Variants in GRAMD4 observed in about 807,000 individuals in gnomAD.
GRAMD4 encodes the protein GRAM domain-containing protein 4.
In GRAMD4, 25 loss-of-function variants were observed where a neutral mutation model predicts 83.9. That is an observed-to-expected ratio of 0.30 (90% CI 0.22 to 0.42). The LOEUF is 0.42. Ranked by LOEUF, GRAMD4 falls within the 10% of genes least tolerant of loss-of-function variation. The probability of loss-of-function intolerance (pLI) is 1.00; values close to 1 mark genes in which losing one functional copy is unlikely to be tolerated. For synonymous variants in GRAMD4, 336 were observed against 320.9 expected, an observed-to-expected ratio of 1.05 and a Z score of -0.50; for missense variants, 593 against 788.7, an observed-to-expected ratio of 0.75 and a Z score of 2.97.
intron 1 of GRAMD4, among the ~76,000 whole-genome samples, chr22:46,625,859 G>A (rs994689134): frequency 5.9e-5 from 9 of 152,270 alleles, no homozygotes; most frequent in African/African-American, 2.2e-4. Context: ...CGGCACATCC[G>A]CCCTTTGGCA....
intron 1 of GRAMD4, among the ~76,000 whole-genome samples, chr22:46,614,099 G>T (rs1284469445): frequency 6.6e-6 from 1 of 152,250 alleles, no homozygotes; most frequent in Non-Finnish European, 1.5e-5. Context: ...TTAACTTGCA[G>T]TTAGATCAAT....
chr22:46,627,958 C>T (rs2081695532), intron 2 of GRAMD4, among the ~76,000 whole-genome samples: 2 of 152,174 alleles, frequency 1.3e-5, no homozygotes, highest in Admixed American at 6.5e-5. Context: ...TGGGGGTGGA[C>T]CGGGACCCCG....
chr22:46,638,016 A>AGG, intron 3 of GRAMD4, 56 bp downstream of exon 3: 5 of 1,580,126 alleles, frequency 3.2e-6, no homozygotes, highest in Non-Finnish European at 4.3e-6. Context: ...GGGGTGGCTG[A>AGG]GATGGGGGAT....
At chr22:46,617,507 A>G (rs181984098), upstream of GRAMD4, among the ~76,000 whole-genome samples, 85 of 149,862 alleles carry the variant, frequency 5.7e-4, no homozygotes, top group African/African-American at 2.1e-3. Flanking sequence ...CCCCGTGTGT[A>G]GGTTCCCTTG....
intron 9 of GRAMD4, 69 bp from the exon 10 acceptor site, chr22:46,666,756 A>T (rs1401110482): frequency 4.5e-6 from 6 of 1,323,576 alleles, no homozygotes; most frequent in Non-Finnish European, 5.5e-6. Flanking sequence ...GTGCAGGGCC[A>T]GCGATTCGAT....
intron 10 of GRAMD4, among the ~76,000 whole-genome samples, chr22:46,667,353 A>G (rs774471324): frequency 6.6e-5 from 10 of 152,204 alleles, no homozygotes; most frequent in Non-Finnish European, 1.3e-4. Flanking sequence ...AAAACAGAAC[A>G]ACGACAACAA....
chr22:46,660,166 A>G (rs1362150079), intron 4 of GRAMD4, among the ~76,000 whole-genome samples: 1 of 152,172 alleles, frequency 6.6e-6, no homozygotes. Context: ...GGTCAGCTGT[A>G]AGAACGCAGG....
At chr22:46,648,875 G>C (rs994570241) in intron 3 of GRAMD4, among the ~76,000 whole-genome samples, 1 of 139,040 alleles carries the variant, frequency 7.2e-6, no homozygotes, top group Non-Finnish European at 1.5e-5. Flanking sequence ...TGGATGGATG[G>C]ATGGATGGAT....
intron 3 of GRAMD4, among the ~76,000 whole-genome samples, chr22:46,650,288 A>C (rs1419027199): frequency 6.6e-6 from 1 of 152,032 alleles, no homozygotes; most frequent in East Asian, 1.9e-4. Context: ...CCTTCCTCCC[A>C]GTAACTTCCC....
Position 46,626,766 on chromosome 22 carries a change from T to G in GRAMD4, c.-34T>G. The G allele has an allele frequency of 6.2e-7, 1 of 1,603,996 alleles. No homozygotes were observed. Among genetic ancestry groups the G allele is most frequent in the Non-Finnish European group, 8.5e-7 (1 of 1,172,144 alleles). On this transcript the variant is annotated 5_prime_UTR_variant, in exon 2 of 19. An upstream start codon of the reference 5' UTR is lost. Transcript: ENST00000406902. ...TCTCTTGCAGGGAACCCGAGCGTCA[T>G]GTTAGGGTGAAGCAGAGGACCTCAG...
intron 3 of GRAMD4, among the ~76,000 whole-genome samples, chr22:46,647,161 A>G (rs568639350): frequency 6.6e-6 from 1 of 152,184 alleles, no homozygotes; most frequent in Admixed American, 6.5e-5. Flanking sequence ...GACATGTTTA[A>G]TAAGTGACGA....
At chr22:46,615,395 G>A (rs1347840447), upstream of GRAMD4, among the ~76,000 whole-genome samples, 7 of 78,418 alleles carry the variant, frequency 8.9e-5, no homozygotes. Flanking sequence ...CCCTGTGTGT[G>A]TAGGCTCTCC....
At chr22:46,675,742 G>A (rs1415101899) in intron 17 of GRAMD4, among the ~76,000 whole-genome samples, 190 bp downstream of exon 17, 1 of 152,180 alleles carries the variant, frequency 6.6e-6, no homozygotes, top group Non-Finnish European at 1.5e-5. Flanking sequence ...CTGCCCTGGG[G>A]TCCACTTGCC....
chr22:46,638,731 C>G (rs895481565), intron 3 of GRAMD4, among the ~76,000 whole-genome samples: 2 of 152,208 alleles, frequency 1.3e-5, no homozygotes, highest in African/African-American at 4.8e-5. Flanking sequence ...ACAGCTGACT[C>G]TATGGTGGAA....
At chr22:46,598,014 CT>C (rs1431126658) in intron 1 of GRAMD4, among the ~76,000 whole-genome samples, 3 of 152,028 alleles carry the variant, frequency 2.0e-5, no homozygotes, top group Admixed American at 1.3e-4. Flanking sequence ...CAGAGTCTTG[CT>C]GTGTCGCCCA....
At chr22:46,657,031 A>G (rs2082254138) in intron 3 of GRAMD4, among the ~76,000 whole-genome samples, 1 of 152,184 alleles carries the variant, frequency 6.6e-6, no homozygotes, top group Non-Finnish European at 1.5e-5. Context: ...TCTGCAAGCC[A>G]CTGCTGCCCC....
rs1403720907 is a variant in GRAMD4, at chr22:46,612,322, ATTG to A, written c.-49-14426_-49-14424del. 2.6e-5 allele frequency among the ~76,000 whole-genome samples: 4 copies of A among 152,020 alleles called. No individual in the cohort carries two copies. In the South Asian group the frequency reaches 6.2e-4, roughly 24 times the overall value. ...GAGGCTGGCCGATGGTACTGTTGTT[ATTG>A]TTACTGTTACTGTGGTTTCCTGACC... On this transcript the variant is annotated intron_variant, in intron 1 of 1. Transcript: ENST00000431155.
At position 46,677,292 on chromosome 22, in the gene GRAMD4, TTTTC is replaced by T. The variant is rs756476203; in HGVS notation, c.*45_*48del. 5 of 1,561,514 alleles carry T rather than the reference TTTTC, an allele frequency of 3.2e-6. No individual in the cohort carries two copies. The East Asian group carries it at 6.8e-5, about 21-fold the overall frequency. ...GACGTTGCTGGAATTTTCTTTTTCT[TTTTC>T]TTTTTCTTTTTTTTTTTTTACGATT... On this transcript the variant is annotated 3_prime_UTR_variant, in exon 19 of 19. Coordinates refer to ENST00000406902, the MANE Select transcript of GRAMD4 (RefSeq NM_015124.5).
chr22:46,637,247 T>C (rs968621975), intron 2 of GRAMD4, among the ~76,000 whole-genome samples: 4 of 131,440 alleles, frequency 3.0e-5, no homozygotes, highest in African/African-American at 1.3e-4. Context: ...GCGCCACTTA[T>C]CCAGTTCCCT....
Sources: gnomAD v4.1 joint callset for allele counts (sites outside exome capture counted in the v4.1 genomes callset) on GRCh38, gnomAD v4.1.1 for gene constraint, MANE v1.5 for transcripts, NCBI Gene and HGNC (gene_info 2026-07-23, HGNC 2026-07-21) for gene names.